Variants in ALG13 observed in about 807,000 individuals in gnomAD.
The protein encoded by ALG13 is UDP-N-acetylglucosamine transferase subunit ALG13.
Under a neutral mutation model 87.8 loss-of-function variants are expected in ALG13, and 11 were observed. The ratio of observed to expected loss-of-function variants is 0.13; its 90% CI spans 0.08 to 0.21. The LOEUF (loss-of-function observed/expected upper bound fraction) is 0.21, where lower values mean the gene tolerates loss of function less well. Among genes scored for constraint, ALG13 ranks in the 10% least tolerant of loss-of-function variants. The probability of loss-of-function intolerance (pLI) is 1.00; values close to 1 mark genes in which losing one functional copy is unlikely to be tolerated. For synonymous variants in ALG13, 320 were observed against 306.3 expected (o/e 1.04, Z -0.47); for missense variants, 756 against 866.1 (o/e 0.87, Z 1.60).
At position 111,708,144 on chromosome X, in the gene ALG13, A is replaced by C. The variant is rs1484710381; in HGVS notation, c.501A>C (p.Gly167=). 1.7e-6 allele frequency: 2 copies of C among 1,209,870 alleles called. No homozygotes were observed. Among genetic ancestry groups the C allele is most frequent in the African/African-American group, 3.5e-5 (2 of 57,113 alleles). Residue 167 remains glycine, a synonymous_variant, in exon 4 of 27, where the codon GGA becomes GGC. Coordinates refer to ENST00000394780, the MANE Select transcript of ALG13 (RefSeq NM_001099922.3). ...GCCTAGACTTTGGGCTGCTTTCCGG[A>C]TACCTGCATAAGCAAGCCCTTGTTA... ...FSGLDFGLLS[G]YLHKQALVTA... is the part of the protein sequence containing the mutation.
chrX:111,698,350 CACTT>C (rs1271901502), intron 3 of ALG13, among the ~76,000 whole-genome samples: 2 of 111,678 alleles, frequency 1.8e-5, no homozygotes, highest in African/African-American at 3.3e-5. Flanking sequence ...ATATTCACCT[CACTT>C]ACCTATCATT....
At position 111,744,725 on chromosome X, in the gene ALG13, TACC is replaced by T. The variant is rs750710267; in HGVS notation, c.2796_2798del (p.Pro945del). The T allele has an allele frequency of 1.5e-3, 1,657 of 1,085,051 alleles. No individual in the cohort carries two copies. Among genetic ancestry groups the T allele is most frequent in the South Asian group, 2.5e-3 (117 of 47,270 alleles). The allele number at this position is 1,085,051 out of a possible 1,213,427, so 89.4% of individuals were successfully genotyped here. Reference sequence around the variant, plus strand: ...GCTATTCCTCATGCTGGTGCCTCTCTACCACCACCACCACCACCACCACCACCA... The same window carrying T: ...GCTATTCCTCATGCTGGTGCCTCTCTACCACCACCACCACCACCACCACCA... On this transcript the variant is annotated inframe_deletion, in exon 24 of 27. Coordinates refer to ENST00000394780, the MANE Select transcript of ALG13 (RefSeq NM_001099922.3).
intron 3 of ALG13, among the ~76,000 whole-genome samples, chrX:111,698,916 T>C (rs1324581368): frequency 1.8e-5 from 2 of 111,737 alleles, no homozygotes; most frequent in Non-Finnish European, 3.8e-5. Flanking sequence ...TTCTATTTAA[T>C]TTTTTGAGGA....
In ALG13 at chrX:111,750,444, G is replaced by A. The variant is rs761572848; in HGVS notation, c.2933-2346G>A. ...AAAATTGCATTGTATGGATGTATTG[G>A]CATACTCCATTTTGTTGCACTTTGC... On this transcript the variant is annotated intron_variant, in intron 24 of 26. Coordinates refer to ENST00000394780, the MANE Select transcript of ALG13 (RefSeq NM_001099922.3). Among the ~76,000 whole-genome samples, 136 of 111,033 alleles carry A rather than the reference G, an allele frequency of 1.2e-3. 1 individual carries two copies. Among genetic ancestry groups the A allele is most frequent in the Non-Finnish European group, 2.0e-3 (106 of 52,979 alleles).
At chrX:111,754,631 A>T (rs767928362) in intron 25 of ALG13, among the ~76,000 whole-genome samples, 140 of 112,094 alleles carry the variant, frequency 1.2e-3, no homozygotes, top group African/African-American at 4.3e-3. Context: ...AAGCATGTCT[A>T]TACACCAATA....
intron 15 of ALG13, among the ~76,000 whole-genome samples, chrX:111,726,232 G>GTTTTTTTTTTTTTTTTTTTTTTT (rs1213050998): frequency 1.7e-5 from 1 of 60,225 alleles, no homozygotes; most frequent in Non-Finnish European, 3.0e-5. Context: ...GGCGTGTTTT[G>GTTTTTTTTTTTTTTTTTTTTTTT]TTTTTTTTTT....
At chrX:111,744,203 C>G (rs748887849) in intron 23 of ALG13, among the ~76,000 whole-genome samples, 3 of 111,494 alleles carry the variant, frequency 2.7e-5, no homozygotes, top group Non-Finnish European at 3.8e-5. Context: ...GAGATGCTAC[C>G]AGTAGAAACC....
chrX:111,727,506 A>G, intron 17 of ALG13, 61 bp downstream of exon 17: 10 of 1,099,735 alleles, frequency 9.1e-6, no homozygotes, highest in Non-Finnish European at 1.2e-5. Flanking sequence ...CTGAACATTA[A>G]TGTTTTAAAA....
At chrX:111,722,947 A>G in intron 13 of ALG13, 90 bp downstream of exon 13, 1 of 630,053 alleles carries the variant, frequency 1.6e-6, no homozygotes, top group East Asian at 3.7e-5. Context: ...ACAAAGTACT[A>G]GAAACTTTTT....
intron 5 of ALG13, among the ~76,000 whole-genome samples, chrX:111,710,296 G>A (rs1478488881): frequency 1.8e-5 from 2 of 111,409 alleles, no homozygotes; most frequent in African/African-American, 6.5e-5. Context: ...GCCTCCCAAA[G>A]TGCTGGGACT....
At chrX:111,758,852 C>G (rs1256048628) in intron 26 of ALG13, among the ~76,000 whole-genome samples, 1 of 111,646 alleles carries the variant, frequency 9.0e-6, no homozygotes, top group Non-Finnish European at 1.9e-5. Flanking sequence ...ATAATCCCAG[C>G]ACTTTGGGAG....
chrX:111,715,484 G>A (rs1032703703), intron 8 of ALG13, among the ~76,000 whole-genome samples: 2 of 111,968 alleles, frequency 1.8e-5, no homozygotes, highest in Admixed American at 1.9e-4. Context: ...TTGGGAGGTC[G>A]AGGTGGGTGG....
chrX:111,703,997 G>A (rs1938337386), intron 3 of ALG13, among the ~76,000 whole-genome samples: 1 of 111,980 alleles, frequency 8.9e-6, no homozygotes, highest in Non-Finnish European at 1.9e-5. Flanking sequence ...GAGAGTTCCA[G>A]TTCTATATCC....
At chrX:111,720,755 G>T (rs1324262234) in intron 11 of ALG13, among the ~76,000 whole-genome samples, 2 of 111,433 alleles carry the variant, frequency 1.8e-5, no homozygotes, top group East Asian at 5.7e-4. Flanking sequence ...AACAGGATTT[G>T]ACCATAATGA....
chrX:111,706,388 A>G (rs917286698), intron 3 of ALG13, among the ~76,000 whole-genome samples: 1 of 112,527 alleles, frequency 8.9e-6, no homozygotes, highest in Admixed American at 9.4e-5. Flanking sequence ...AAAGATGGCA[A>G]TCTCTCTTCC....
chrX:111,691,717 G>A (rs1408185756), intron 3 of ALG13, among the ~76,000 whole-genome samples: 1 of 111,671 alleles, frequency 9.0e-6, no homozygotes, highest in Non-Finnish European at 1.9e-5. Context: ...AATTTAGATT[G>A]TATGTTAGCC....
Position 111,727,778 on chromosome X carries a change from G to C in ALG13, c.2247+8G>C. ...GCTTATCCAACTTTACCTGTGAGTG[G>C]ATCAATGCTTTACTCAAAAAGCTGT... On this transcript the variant is annotated splice_region_variant and intron_variant, in intron 18 of 26. Coordinates refer to ENST00000394780, the MANE Select transcript of ALG13 (RefSeq NM_001099922.3). 8.5e-7 allele frequency: 1 copy of C among 1,178,392 alleles called. No homozygotes were observed. The highest frequency in any genetic ancestry group is 3.0e-5 in the East Asian group (1 of 33,169).
chrX:111,733,529 TTGA>T (rs1451251065), intron 21 of ALG13, among the ~76,000 whole-genome samples: 1 of 111,983 alleles, frequency 8.9e-6, no homozygotes, highest in African/African-American at 3.2e-5. Flanking sequence ...CTTTATCCAC[TTGA>T]TGATTAATTG....
chrX:111,733,419 G>C (rs918732548), intron 21 of ALG13, among the ~76,000 whole-genome samples: 3 of 111,692 alleles, frequency 2.7e-5, no homozygotes, highest in Admixed American at 9.5e-5. Context: ...ACTTCACTTA[G>C]AATAACGGTC....
Sources: allele counts gnomAD v4.1 joint callset (sites outside exome capture counted in the v4.1 genomes callset), GRCh38; gene constraint gnomAD v4.1.1; transcripts MANE v1.5; gene names NCBI Gene and HGNC (gene_info 2026-07-23, HGNC 2026-07-21).